HMSD: variants seen among roughly 807,000 people sequenced by gnomAD.
HMSD encodes serpin-like protein HMSD.
Under a neutral mutation model 10.0 loss-of-function variants are expected in HMSD, and 13 were observed. The observed-to-expected ratio is 1.31, with a 90% confidence interval of 0.85 to 2.08. The LOEUF is 2.08. Among genes scored for constraint, HMSD ranks in the 30% most tolerant of loss-of-function variants. The probability of loss-of-function intolerance (pLI) is 0.00; values close to 1 mark genes in which losing one functional copy is unlikely to be tolerated. For missense variants in HMSD, 169 were observed against 166.3 expected (o/e 1.02, Z -0.09); for synonymous variants, 51 against 54.2 (o/e 0.94, Z 0.26).
chr18:63,949,558 C>G (rs150767491), intron 1 of HMSD, among the ~76,000 whole-genome samples, 158 bp downstream of exon 1: 273 of 152,342 alleles, frequency 1.8e-3, no homozygotes, highest in African/African-American at 6.3e-3. Flanking sequence ...CTTCTTTACT[C>G]GGTCTCTGGC....
At chr18:63,962,972 C>T (rs1414902870), downstream of HMSD, among the ~76,000 whole-genome samples, 5 of 152,048 alleles carry the variant, frequency 3.3e-5, no homozygotes, top group South Asian at 2.1e-4. Context: ...ACCTGATTGG[C>T]GTATCTAGTG....
At chr18:63,949,514 C>T (rs1453895221) in intron 1 of HMSD, 114 bp downstream of exon 1, 1 of 152,462 alleles carries the variant, frequency 6.6e-6, no homozygotes, top group Non-Finnish European at 1.5e-5. Context: ...GTGCTCAGCG[C>T]ACCTGTTGCT....
chr18:63,963,367 AG>A (rs1010874594), downstream of HMSD, among the ~76,000 whole-genome samples: 2 of 151,678 alleles, frequency 1.3e-5, no homozygotes, highest in Non-Finnish European at 1.5e-5. Context: ...CCTGGGTTCA[AG>A]CATGTCTCCT....
chr18:63,951,308 T>C (rs2050329150), intron 1 of HMSD, among the ~76,000 whole-genome samples: 1 of 152,204 alleles, frequency 6.6e-6, no homozygotes, highest in African/African-American at 2.4e-5. Flanking sequence ...AGGAAAACAA[T>C]TTGTTTACCA....
At chr18:63,962,605 T>A (rs1422294586), downstream of HMSD, among the ~76,000 whole-genome samples, 2 of 151,852 alleles carry the variant, frequency 1.3e-5, no homozygotes, top group African/African-American at 4.8e-5. Context: ...CCTCCAGGAG[T>A]CCTGAATGGA....
At chr18:63,960,111 A>G (rs372180749) in intron 3 of HMSD, 47 bp from the exon 4 acceptor site, 122 of 1,531,962 alleles carry the variant, frequency 8.0e-5, no homozygotes, top group Non-Finnish European at 8.8e-5. Context: ...AGCCAGTGAT[A>G]TTAGTTGTTT....
At chr18:63,963,724 G>A (rs1827368444), downstream of HMSD, among the ~76,000 whole-genome samples, 1 of 152,210 alleles carries the variant, frequency 6.6e-6, no homozygotes, top group South Asian at 2.1e-4. Flanking sequence ...TCAATTTATT[G>A]TCTATCAGCT....
At chr18:63,953,997 C>T (rs1417783774) in intron 2 of HMSD, among the ~76,000 whole-genome samples, 1 of 152,168 alleles carries the variant, frequency 6.6e-6, no homozygotes, top group Non-Finnish European at 1.5e-5. Context: ...GTCACATGGC[C>T]AGCCCAGATT....
intron 2 of HMSD, 44 bp from the exon 3 acceptor site, chr18:63,954,364 C>G: frequency 6.8e-7 from 1 of 1,463,832 alleles, no homozygotes; most frequent in Non-Finnish European, 9.5e-7. Flanking sequence ...TTTGAAGTCA[C>G]AGAATACTGA....
chr18:63,966,784 A>G (rs2050411514), downstream of HMSD: 1 of 152,252 alleles, frequency 6.6e-6, no homozygotes, highest in African/African-American at 2.4e-5. Flanking sequence ...ATGTGGCCAT[A>G]CTGACTGTAG....
Position 63,953,460 on chromosome 18 carries a change from G to T in HMSD, c.5G>T (p.Ser2Ile). The T allele has an allele frequency of 6.2e-7, 1 of 1,613,698 alleles. No individual in the cohort carries two copies. Among genetic ancestry groups the T allele is most frequent in the Non-Finnish European group, 8.5e-7 (1 of 1,179,716 alleles). Residue 2 changes from serine to isoleucine, a missense_variant, in exon 2 of 4, where the codon AGC becomes ATC. Ser to Ile is a moderately radical substitution (Grantham distance 142, BLOSUM62 -2). Coordinates refer to ENST00000408945, the MANE Select transcript of HMSD (RefSeq NM_001123366.2). ...AAACAACTTATTTTTTTCCCCATGAGCATATCATCAGCCTTGGCCATGGTT... is the reference window on the plus strand; with the variant it reads ...AAACAACTTATTTTTTTCCCCATGATCATATCATCAGCCTTGGCCATGGTT... M[S>I]ISSALAMVFM...
At chr18:63,965,580 A>T (rs919000990), downstream of HMSD, among the ~76,000 whole-genome samples, 3 of 152,202 alleles carry the variant, frequency 2.0e-5, no homozygotes, top group Admixed American at 1.3e-4. Context: ...TACCAGGCAT[A>T]TTAATGTAAT....
chr18:63,959,228 T>C (rs1329466423), intron 3 of HMSD, among the ~76,000 whole-genome samples: 5 of 152,178 alleles, frequency 3.3e-5, no homozygotes, highest in African/African-American at 1.2e-4. Context: ...ATCATATTTT[T>C]AGTTTTATAA....
downstream of HMSD, among the ~76,000 whole-genome samples, chr18:63,964,722 C>T (rs1159738201): frequency 1.3e-5 from 2 of 152,088 alleles, no homozygotes; most frequent in African/African-American, 2.4e-5. Flanking sequence ...AGCAATTTAT[C>T]TCTTCTTCTT....
At chr18:63,963,071 CTCTTTCTTTCTT>C (rs58573319), downstream of HMSD, among the ~76,000 whole-genome samples, 10,315 of 103,978 alleles carry the variant, frequency 0.099, 566 homozygotes, top group East Asian at 0.15. Flanking sequence ...TCTTTTCTTT[CTCTTTCTTTCTT>C]TCTTTCTTTC....
downstream of HMSD, among the ~76,000 whole-genome samples, chr18:63,966,030 A>G (rs1260043892): frequency 1.3e-5 from 2 of 152,224 alleles, no homozygotes; most frequent in African/African-American, 4.8e-5. Flanking sequence ...AATCCATTCC[A>G]TGAGAGCTAA....
intron 2 of HMSD, 99 bp downstream of exon 2, chr18:63,953,626 G>T: frequency 1.1e-6 from 1 of 928,684 alleles, no homozygotes; most frequent in East Asian, 2.6e-5. Context: ...TCCTTTAACA[G>T]ACAACTCTGG....
chr18:63,956,787 C>G (rs2050360855), intron 3 of HMSD, among the ~76,000 whole-genome samples: 1 of 152,118 alleles, frequency 6.6e-6, no homozygotes, highest in South Asian at 2.1e-4. Flanking sequence ...TTCATTGCAG[C>G]ACTATTCACA....
At chr18:63,963,120 TC>T (rs1479859778), downstream of HMSD, among the ~76,000 whole-genome samples, 167 of 130,104 alleles carry the variant, frequency 1.3e-3, 2 homozygotes, top group African/African-American at 1.8e-3. Context: ...TTTCTTTCTT[TC>T]TTTCTTTCTT....
Sources: allele counts gnomAD v4.1 joint callset (sites outside exome capture counted in the v4.1 genomes callset), GRCh38; gene constraint gnomAD v4.1.1; transcripts MANE v1.5; gene names NCBI Gene and HGNC (gene_info 2026-07-23, HGNC 2026-07-21).